The following SNX31 variants were observed in gnomAD, a reference collection of about 807,000 sequenced individuals.
The protein encoded by SNX31 is sorting nexin-31.
In SNX31, 58 loss-of-function variants were observed where a neutral mutation model predicts 65.4. The ratio of observed to expected loss-of-function variants is 0.89; its 90% CI spans 0.72 to 1.10. The LOEUF (loss-of-function observed/expected upper bound fraction) is 1.10, where lower values mean the gene tolerates loss of function less well. Ranked by LOEUF, SNX31 falls within the 50% of genes least tolerant of loss-of-function variation. The pLI, the probability that SNX31 is intolerant of heterozygous loss-of-function variation, is 0.00. For synonymous variants in SNX31, 181 were observed against 190.1 expected, an observed-to-expected ratio of 0.95 and a Z score of 0.39; for missense variants, 523 against 529.7, an observed-to-expected ratio of 0.99 and a Z score of 0.12.
chr8:100,613,119 TA>T lies in SNX31; in HGVS notation c.433-35del. The T allele has an allele frequency of 1.3e-6, 2 of 1,562,952 alleles. No individual in the cohort carries two copies. The highest frequency in any genetic ancestry group is 1.8e-6 in the Non-Finnish European group (2 of 1,133,560). On this transcript the variant is annotated intron_variant, in intron 5 of 13. Coordinates refer to ENST00000311812, the MANE Select transcript of SNX31 (RefSeq NM_152628.4). This position sits in a 1 kb window ranked among gnomAD's most constrained non-coding sequence, Gnocchi z 5.2. ...AGAAACAAGCAGAAAGGGAAAAAGT[TA>T]GGTGTGCCCACCATGCATCCTAACT... is the stretch of plus-strand genomic sequence containing the variant.
chr8:100,584,059 G>A lies in SNX31; in HGVS notation c.1170+52C>T, dbSNP rs1331934671. On this transcript the variant is annotated intron_variant, in intron 12 of 13. Transcript: ENST00000311812. ...GAGTGTAGTTTGGTCTCCAACTGTT[G>A]GCTGATAGTGGGAACGTAAAGTGAA... 5 of 1,540,134 alleles carry A rather than the reference G, an allele frequency of 3.2e-6. No individual in the cohort carries two copies. In the African/African-American group the frequency reaches 6.9e-5, roughly 21 times the overall value.
intron 4 of SNX31, among the ~76,000 whole-genome samples, chr8:100,620,187 A>G (rs1817583040): frequency 6.6e-6 from 1 of 152,162 alleles, no homozygotes; most frequent in East Asian, 1.9e-4. Context: ...GATCCAAATG[A>G]CCAATCAGGA....
chr8:100,592,832 C>T lies in SNX31; in HGVS notation c.978+3807G>A, dbSNP rs144687245. 1.4e-4 allele frequency among the ~76,000 whole-genome samples: 22 copies of T among 152,170 alleles called. 1 individual carries two copies. Among genetic ancestry groups the T allele is most frequent in the African/African-American group, 5.3e-4 (22 of 41,496 alleles). ...TGATGATACATGCTACAAGAATGAA[C>T]CTGGGAAACATGCTAGGTAAAAAAG... On this transcript the variant is annotated intron_variant, in intron 10 of 13. Transcript: ENST00000311812.
intron 2 of SNX31, among the ~76,000 whole-genome samples, chr8:100,637,622 C>T (rs1818871011): frequency 1.3e-5 from 2 of 152,242 alleles, no homozygotes; most frequent in Admixed American, 1.3e-4. Flanking sequence ...CGCCTTCCAA[C>T]AAGTCTCTCT....
intron 2 of SNX31, among the ~76,000 whole-genome samples, chr8:100,647,531 T>G (rs1039832310): frequency 6.6e-6 from 1 of 152,172 alleles, no homozygotes; most frequent in Non-Finnish European, 1.5e-5. Context: ...CAGGAGTGCT[T>G]GAAGCCTCTT....
At chr8:100,636,504 T>C (rs1168478679) in intron 2 of SNX31, among the ~76,000 whole-genome samples, 1 of 152,214 alleles carries the variant, frequency 6.6e-6, no homozygotes, top group Non-Finnish European at 1.5e-5. Context: ...TGAGATGTGT[T>C]GTAGGTGTAA....
rs1296132722 is a variant in SNX31, at chr8:100,630,105, C to A, written c.321+222G>T. Among the ~76,000 whole-genome samples the A allele has an allele frequency of 6.6e-6, 1 of 152,270 alleles. No individual in the cohort carries two copies. The highest frequency in any genetic ancestry group is 2.1e-4 in the South Asian group (1 of 4,822). ...AAAGGGATCTACTTAATAAAATGAGCCAAAGGTCAAGTGACACACTTCATT... is the reference window on the plus strand; with the variant it reads ...AAAGGGATCTACTTAATAAAATGAGACAAAGGTCAAGTGACACACTTCATT... On this transcript the variant is annotated intron_variant, in intron 4 of 13. Transcript: ENST00000311812. This position sits in a 1 kb window ranked among gnomAD's most constrained non-coding sequence, Gnocchi z 5.3.
At chr8:100,600,542 TG>T in intron 8 of SNX31, 101 bp from the exon 9 acceptor site, 1 of 852,636 alleles carries the variant, frequency 1.2e-6, no homozygotes, top group Non-Finnish European at 1.8e-6. Context: ...CAAACCCAAG[TG>T]GATATATATT....
At chr8:100,623,776 C>T (rs749366445) in intron 4 of SNX31, among the ~76,000 whole-genome samples, 1 of 152,150 alleles carries the variant, frequency 6.6e-6, no homozygotes, top group Non-Finnish European at 1.5e-5. Flanking sequence ...TCTCTACCGG[C>T]TCCTACTCAC....
chr8:100,597,582 T>C (rs1219796384), intron 9 of SNX31, among the ~76,000 whole-genome samples: 1 of 152,190 alleles, frequency 6.6e-6, no homozygotes, highest in African/African-American at 2.4e-5. Flanking sequence ...GAGATCTATG[T>C]AGGAAGAAAA....
Position 100,596,814 on chromosome 8 carries a change from T to A in SNX31, c.803A>T (p.His268Leu). The A allele has an allele frequency of 6.2e-7, 1 of 1,613,372 alleles. No individual in the cohort carries two copies. The highest frequency in any genetic ancestry group is 8.5e-7 in the Non-Finnish European group (1 of 1,179,994). The change falls in exon 10 of 14, where the codon CAC becomes CTC. Residue 268 changes from histidine to leucine, a missense_variant. By Grantham distance (99) the His-to-Leu change is moderately conservative. Coordinates refer to ENST00000311812, the MANE Select transcript of SNX31 (RefSeq NM_152628.4). ...KFLELAREVR[H>L]YGYLQLDPCT... ...AGGATCCAGCTGCAGGTATCCATAG[T>A]GCCGTACCTCCCGGGCCAGCTCCAA...
chr8:100,640,633 G>A (rs563935603), intron 2 of SNX31, among the ~76,000 whole-genome samples: 1 of 152,160 alleles, frequency 6.6e-6, no homozygotes, highest in Non-Finnish European at 1.5e-5. Context: ...GATGATAGTA[G>A]GTACTCTTGA....
Position 100,614,405 on chromosome 8 carries a change from C to T in SNX31, c.433-1320G>A, listed in dbSNP as rs995404976. Among the ~76,000 whole-genome samples the T allele has an allele frequency of 7.2e-5, 11 of 152,220 alleles. No homozygotes were observed. Among genetic ancestry groups the T allele is most frequent in the African/African-American group, 2.4e-4 (10 of 41,442 alleles). On this transcript the variant is annotated intron_variant, in intron 5 of 13. Transcript: ENST00000311812. The surrounding 1 kb of genome is among the most constrained non-coding windows in gnomAD (Gnocchi z 5.1). ...TGGGGGCAAAAGGAGAATGAAGAAG[C>T]CTTTCGCATTCATAAAGACATAAAT... is the stretch of plus-strand genomic sequence containing the variant.
chr8:100,611,364 C>T (rs868472323), intron 7 of SNX31, among the ~76,000 whole-genome samples: 7 of 152,120 alleles, frequency 4.6e-5, no homozygotes, highest in African/African-American at 7.2e-5. Context: ...CCCCTGGCCC[C>T]GCCCCTGGTT....
intron 11 of SNX31, among the ~76,000 whole-genome samples, chr8:100,584,759 T>C (rs1388169595): frequency 6.7e-6 from 1 of 150,300 alleles, no homozygotes; most frequent in Non-Finnish European, 1.5e-5. Context: ...TTTTTTTTTT[T>C]TTTTTCTCTG....
intron 1 of SNX31, among the ~76,000 whole-genome samples, chr8:100,655,474 G>A (rs1425250963): frequency 6.6e-6 from 1 of 152,132 alleles, no homozygotes; most frequent in East Asian, 1.9e-4. Flanking sequence ...TTCTCGTGGT[G>A]GTGAATACGT....
rs1819800887 is a variant in SNX31, at chr8:100,648,512, T to C, written c.141+762A>G. On this transcript the variant is annotated intron_variant, in intron 2 of 13. Transcript: ENST00000311812. The surrounding 1 kb of genome is among the most constrained non-coding windows in gnomAD (Gnocchi z 4.3). ...TATGTGCTGTTTATAACCTAAAATC[T>C]AAAACAAAAAAACAAAAATCACTAT... Among the ~76,000 whole-genome samples, 1 of 151,962 alleles carries C rather than the reference T, an allele frequency of 6.6e-6. No individual in the cohort carries two copies. Among genetic ancestry groups the C allele is most frequent in the African/African-American group, 2.4e-5 (1 of 41,360 alleles).
chr8:100,662,557 C>T (rs1342675835), intron 1 of SNX31, among the ~76,000 whole-genome samples: 2 of 152,246 alleles, frequency 1.3e-5, no homozygotes, highest in South Asian at 2.1e-4. Flanking sequence ...ATTAGCCAGG[C>T]GTTGTGGCAG....
chr8:100,646,236 G>C (rs1819628117), intron 2 of SNX31, among the ~76,000 whole-genome samples: 1 of 152,070 alleles, frequency 6.6e-6, no homozygotes, highest in Non-Finnish European at 1.5e-5. Flanking sequence ...ATAGTTGATG[G>C]TTTTATACCA....
Sources: allele counts gnomAD v4.1 joint callset (sites outside exome capture counted in the v4.1 genomes callset), GRCh38; gene constraint gnomAD v4.1.1; non-coding constraint Gnocchi (gnomAD v3.1); transcripts MANE v1.5; gene names NCBI Gene and HGNC (gene_info 2026-07-23, HGNC 2026-07-21).